PDXK: variants seen among roughly 807,000 people sequenced by gnomAD.
The protein encoded by PDXK is epididymis secretory sperm binding protein Li 1a.
In PDXK, 15 loss-of-function variants were observed where a neutral mutation model predicts 43.2. That is an observed-to-expected ratio of 0.35 (90% CI 0.23 to 0.53). The LOEUF (loss-of-function observed/expected upper bound fraction) is 0.53. Among genes scored for constraint, PDXK ranks in the 20% least tolerant of loss-of-function variants. The pLI, the probability that PDXK is intolerant of heterozygous loss-of-function variation, is 0.92. For missense variants in PDXK, 343 were observed against 417.0 expected, an observed-to-expected ratio of 0.82 and a Z score of 1.54; for synonymous variants, 172 against 165.4, an observed-to-expected ratio of 1.04 and a Z score of -0.31.
At chr21:43,750,623 C>T (rs1351721692) in intron 7 of PDXK, 78 bp downstream of exon 7, 16 of 1,135,154 alleles carry the variant, frequency 1.4e-5, no homozygotes, top group South Asian at 4.0e-5. Context: ...GCCTGAGTGG[C>T]ACCACTGTGT....
chr21:43,744,066 A>G (rs1231269975), intron 4 of PDXK, among the ~76,000 whole-genome samples: 1 of 152,106 alleles, frequency 6.6e-6, no homozygotes, highest in Non-Finnish European at 1.5e-5. Context: ...GTGTGCTCGT[A>G]TAGTGGGGCT....
At chr21:43,746,342 G>A (rs993413941) in intron 5 of PDXK, among the ~76,000 whole-genome samples, 1 of 152,212 alleles carries the variant, frequency 6.6e-6, no homozygotes, top group African/African-American at 2.4e-5. Context: ...CGGCCGCACA[G>A]CCTTGCCACA....
intron 2 of PDXK, 165 bp from the exon 3 acceptor site, chr21:43,741,502 A>G (rs144630686): frequency 0.014 from 18,938 of 1,380,288 alleles, 265 homozygotes; most frequent in Middle Eastern, 0.037. Flanking sequence ...AGCCGTTGGG[A>G]CCTGCCAAGC....
Position 43,750,774 on chromosome 21 carries a change from TTGTGTGTGGGTG to T in PDXK, c.510+239_510+250del, listed in dbSNP as rs531532959. On this transcript the variant is annotated intron_variant, in intron 7 of 10. Coordinates refer to ENST00000291565, the MANE Select transcript of PDXK (RefSeq NM_003681.5). ...GCATGTGTGCGTGTGTGCGCGCGTATTGTGTGTGGGTGTGTGTGTGGATGTGTGCGTGTGTGC... is the reference window on the plus strand; with the variant it reads ...GCATGTGTGCGTGTGTGCGCGCGTATTGTGTGTGGATGTGTGCGTGTGTGC... Among the ~76,000 whole-genome samples, 591 of 68,594 alleles carry T rather than the reference TTGTGTGTGGGTG, an allele frequency of 8.6e-3. 5 individuals are homozygous for T. The highest frequency in any genetic ancestry group is 0.041 in the African/African-American group (570 of 13,746). The allele number at this position is 68,594 out of a possible 152,430, so 45.0% of individuals were successfully genotyped here.
At chr21:43,753,219 C>T (rs1476386360) in intron 8 of PDXK, among the ~76,000 whole-genome samples, 1 of 152,134 alleles carries the variant, frequency 6.6e-6, no homozygotes, top group Non-Finnish European at 1.5e-5. Flanking sequence ...TACATGCACA[C>T]GGACACATGC....
At position 43,739,085 on chromosome 21, in the gene PDXK, A is replaced by C. The variant is rs191317575; in HGVS notation, c.143-2582A>C. ...AGTAGCTGGGACTACAGGCACCCGCAACCACGCCCGGCTAATTTTTTTGTA... is the reference window on the plus strand; with the variant it reads ...AGTAGCTGGGACTACAGGCACCCGCCACCACGCCCGGCTAATTTTTTTGTA... On this transcript the variant is annotated intron_variant, in intron 2 of 10. Coordinates refer to ENST00000291565, the MANE Select transcript of PDXK (RefSeq NM_003681.5). 4.5e-3 allele frequency among the ~76,000 whole-genome samples: 682 copies of C among 151,900 alleles called. 9 individuals are homozygous for C. Among genetic ancestry groups the C allele is most frequent in the African/African-American group, 0.015 (629 of 41,430 alleles).
chr21:43,719,996 G>A, intron 1 of PDXK: 2 of 872,058 alleles, frequency 2.3e-6, no homozygotes, highest in Non-Finnish European at 2.8e-6. Flanking sequence ...CTCTAGCAGA[G>A]CGGCATCCCT....
At chr21:43,745,930 G>T (rs746696414) in intron 4 of PDXK, 149 bp from the exon 5 acceptor site, 2 of 683,998 alleles carry the variant, frequency 2.9e-6, no homozygotes, top group Non-Finnish European at 5.4e-6. Flanking sequence ...CTGGAAGATC[G>T]AGGTTGCAGT....
At chr21:43,731,044 C>T (rs930564684) in intron 1 of PDXK, among the ~76,000 whole-genome samples, 7 of 152,042 alleles carry the variant, frequency 4.6e-5, no homozygotes, top group African/African-American at 1.5e-4. Context: ...GTTGCTCAGT[C>T]TGGTCTTGAA....
intron 1 of PDXK, among the ~76,000 whole-genome samples, chr21:43,726,278 T>TC: frequency 7.0e-6 from 1 of 143,452 alleles, no homozygotes; most frequent in East Asian, 2.0e-4. Flanking sequence ...TTCTTTTTTT[T>TC]TTTTTTTTTT....
At chr21:43,743,695 T>G in intron 3 of PDXK, 29 bp from the exon 4 acceptor site, 2 of 1,523,056 alleles carry the variant, frequency 1.3e-6, no homozygotes. Flanking sequence ...TCCTGTTTTC[T>G]GAGGGTGACC....
rs2083374986 is a variant in PDXK at position 43,734,689 on chromosome 21, A to C, written c.142+566A>C. On this transcript the variant is annotated intron_variant, in intron 2 of 10. Transcript: ENST00000291565. The surrounding 1 kb of genome is among the most constrained non-coding windows in gnomAD (Gnocchi z 5.0). ...GGGACTCTGAGGACTTTGCTGGCTC[A>C]GGGGACTGAGGGTGGCCGGCCTCAG... is the stretch of plus-strand genomic sequence containing the variant. Among the ~76,000 whole-genome samples, 1 of 152,076 alleles carries C rather than the reference A, an allele frequency of 6.6e-6. No homozygotes were observed. The highest frequency in any genetic ancestry group is 1.5e-5 in the Non-Finnish European group (1 of 67,998).
intron 1 of PDXK, chr21:43,719,681 C>A: frequency 2.0e-6 from 2 of 985,458 alleles, no homozygotes; most frequent in South Asian, 4.7e-5. Context: ...CGCCCCTTCC[C>A]GCCGACCGGG....
At position 43,760,373 on chromosome 21, in the gene PDXK, C is replaced by T. The variant is rs927162860; in HGVS notation, c.*4310C>T. 2 of 152,168 alleles carry T rather than the reference C, an allele frequency of 1.3e-5. No homozygotes were observed. Among genetic ancestry groups the T allele is most frequent in the African/African-American group, 2.4e-5 (1 of 41,420 alleles). 9.4% of individuals were successfully genotyped at this position (152,168 alleles called of 1,614,324 possible). A position where few individuals can be genotyped will look rare whatever the true frequency, so the allele number is the denominator to read the frequency against. On this transcript the variant is annotated 3_prime_UTR_variant, in exon 11 of 11. Coordinates refer to ENST00000291565, the MANE Select transcript of PDXK (RefSeq NM_003681.5). ...TGTATTTTTAGTAGAGATGGGGTTT[C>T]ACCATGTTGGCCAAGCTGGTCTCAA...
chr21:43,735,754 G>C lies in PDXK; in HGVS notation c.142+1631G>C, dbSNP rs920656748. Among the ~76,000 whole-genome samples, 2 of 151,946 alleles carry C rather than the reference G, an allele frequency of 1.3e-5. No homozygotes were observed. Among genetic ancestry groups the C allele is most frequent in the African/African-American group, 2.4e-5 (1 of 41,358 alleles). On this transcript the variant is annotated intron_variant, in intron 2 of 10. Coordinates refer to ENST00000291565, the MANE Select transcript of PDXK (RefSeq NM_003681.5). This position sits in a 1 kb window ranked among gnomAD's most constrained non-coding sequence, Gnocchi z 5.3. The stretch of plus-strand genomic sequence containing the variant: ...TGTACCCACACTCTCGGGGTCAGCT[G>C]TCTGTGCGGCCTGATCAGGAGGCCC...
intron 1 of PDXK, among the ~76,000 whole-genome samples, chr21:43,727,071 TAGG>T (rs2083262008): frequency 6.6e-6 from 1 of 152,114 alleles, no homozygotes; most frequent in African/African-American, 2.4e-5. Context: ...ACTTCCTTCC[TAGG>T]AGGCTTGGTG....
At chr21:43,751,010 G>A (rs1028752425) in intron 7 of PDXK, among the ~76,000 whole-genome samples, 6 of 152,172 alleles carry the variant, frequency 3.9e-5, no homozygotes, top group Admixed American at 6.5e-5. Flanking sequence ...ATTGTAAGGC[G>A]GTGGCTTGAG....
chr21:43,749,160 A>G (rs2083691013), intron 6 of PDXK, 80 bp downstream of exon 6: 2 of 828,112 alleles, frequency 2.4e-6, no homozygotes, highest in African/African-American at 1.7e-5. Flanking sequence ...GCTGGAGTGC[A>G]GTGGCACGAT....
chr21:43,744,182 G>A (rs574660795), intron 4 of PDXK, among the ~76,000 whole-genome samples: 176 of 152,126 alleles, frequency 1.2e-3, no homozygotes, highest in African/African-American at 3.6e-3. Context: ...GCTAGGGAGT[G>A]GGGGAGGGCA....
Sources: gnomAD v4.1 joint callset for allele counts (sites outside exome capture counted in the v4.1 genomes callset) on GRCh38, gnomAD v4.1.1 for gene constraint, Gnocchi (gnomAD v3.1) non-coding constraint, MANE v1.5 for transcripts, NCBI Gene and HGNC (gene_info 2026-07-23, HGNC 2026-07-21) for gene names.